Variants in DOCK2 observed in about 807,000 individuals in gnomAD.
DOCK2 encodes the protein dedicator of cytokinesis protein 2.
A neutral mutation model predicts 248.9 loss-of-function variants in DOCK2; 87 were observed. The ratio of observed to expected loss-of-function variants is 0.35; its 90% CI spans 0.29 to 0.42. DOCK2 has a LOEUF of 0.42. DOCK2 is among the 10% of genes least tolerant of loss of function. The probability of loss-of-function intolerance (pLI) is 1.00; values close to 1 mark genes in which losing one functional copy is unlikely to be tolerated. For synonymous variants in DOCK2, 805 were observed against 821.6 expected, an observed-to-expected ratio of 0.98 and a Z score of 0.35; for missense variants, 1,747 against 2,300.2, an observed-to-expected ratio of 0.76 and a Z score of 4.92.
intron 2 of DOCK2, among the ~76,000 whole-genome samples, chr5:169,667,224 C>G (rs1758787283): frequency 6.6e-6 from 1 of 152,186 alleles, no homozygotes; most frequent in South Asian, 2.1e-4. Flanking sequence ...CAAGTCACTG[C>G]TACCAGATGA....
At chr5:170,063,105 G>A (rs1233379592) in intron 44 of DOCK2, among the ~76,000 whole-genome samples, 2 of 152,060 alleles carry the variant, frequency 1.3e-5, no homozygotes, top group South Asian at 4.1e-4. Context: ...AGAGGGGACT[G>A]GCATATGCAT....
intron 45 of DOCK2, among the ~76,000 whole-genome samples, chr5:170,068,360 G>C (rs547356421): frequency 6.6e-6 from 1 of 152,278 alleles, no homozygotes; most frequent in East Asian, 1.9e-4. Context: ...TTCTTACTTG[G>C]TTTTCACCTA....
intron 38 of DOCK2, among the ~76,000 whole-genome samples, chr5:170,043,403 C>T (rs1363506800): frequency 6.6e-6 from 1 of 152,212 alleles, no homozygotes. Context: ...TTATCCTACT[C>T]CACCGCTTCC....
chr5:169,989,008 TCTTC>T (rs1269148663), intron 29 of DOCK2, among the ~76,000 whole-genome samples: 3 of 152,250 alleles, frequency 2.0e-5, no homozygotes, highest in Non-Finnish European at 4.4e-5. Context: ...AACTAACTTT[TCTTC>T]CTTCCTTCCA....
intron 23 of DOCK2, 66 bp downstream of exon 23, chr5:169,747,570 A>G: frequency 2.2e-6 from 3 of 1,381,194 alleles, no homozygotes; most frequent in East Asian, 2.4e-5. Context: ...GCATGCTAAG[A>G]TAATATCTTC....
chr5:169,761,756 C>A, intron 25 of DOCK2, 131 bp downstream of exon 25: 1 of 630,146 alleles, frequency 1.6e-6, no homozygotes, highest in East Asian at 2.9e-5. Flanking sequence ...CTCCCTTGGT[C>A]TGCATAAATG....
At chr5:169,708,360 C>T (rs543145450) in intron 15 of DOCK2, 93 bp downstream of exon 15, 3 of 1,198,530 alleles carry the variant, frequency 2.5e-6, no homozygotes, top group Admixed American at 2.0e-5. Context: ...TTATGTATTG[C>T]TTACAACAGC....
At chr5:169,713,596 G>A (rs1244224918) in intron 17 of DOCK2, among the ~76,000 whole-genome samples, 1 of 152,046 alleles carries the variant, frequency 6.6e-6, no homozygotes, top group African/African-American at 2.4e-5. Context: ...ATTCAAGATA[G>A]CATAGACCTG....
chr5:169,806,031 C>A (rs1209746762), intron 26 of DOCK2, among the ~76,000 whole-genome samples: 1 of 152,194 alleles, frequency 6.6e-6, no homozygotes, highest in Non-Finnish European at 1.5e-5. Flanking sequence ...ACCTCTCCTG[C>A]TCATGAAGAT....
chr5:169,879,750 C>G (rs1479011291), intron 27 of DOCK2, among the ~76,000 whole-genome samples: 1 of 152,112 alleles, frequency 6.6e-6, no homozygotes. Flanking sequence ...AAAAGGGACT[C>G]TTGGGGCCAT....
chr5:169,948,865 C>T (rs1022903550), intron 27 of DOCK2, among the ~76,000 whole-genome samples: 2 of 152,028 alleles, frequency 1.3e-5, no homozygotes, highest in African/African-American at 4.8e-5. Flanking sequence ...GTGACTGGCA[C>T]CTGGTCATTC....
intron 26 of DOCK2, among the ~76,000 whole-genome samples, chr5:169,807,394 T>C (rs1056466430): frequency 6.6e-5 from 10 of 152,200 alleles, no homozygotes; most frequent in African/African-American, 2.2e-4. Flanking sequence ...ATGCTACCAA[T>C]GTAGAGGCCA....
At chr5:169,692,270 A>T (rs1468538326) in intron 9 of DOCK2, among the ~76,000 whole-genome samples, 2 of 152,224 alleles carry the variant, frequency 1.3e-5, no homozygotes, top group African/African-American at 4.8e-5. Context: ...ACACACAGGA[A>T]ACAAGAGTGA....
chr5:170,005,607 A>G (rs932468554), intron 30 of DOCK2, among the ~76,000 whole-genome samples: 1 of 152,154 alleles, frequency 6.6e-6, no homozygotes, highest in Non-Finnish European at 1.5e-5. Flanking sequence ...TCTTACGGGT[A>G]GAGGGTTTCT....
intron 1 of DOCK2, among the ~76,000 whole-genome samples, chr5:169,641,194 C>T (rs78862393): frequency 0.029 from 4,466 of 152,296 alleles, 88 homozygotes; most frequent in African/African-American, 0.045. Flanking sequence ...AATGTGATTA[C>T]CTCTGTAAAG....
At chr5:170,029,520 G>A (rs1756049449) in intron 34 of DOCK2, among the ~76,000 whole-genome samples, 1 of 152,192 alleles carries the variant, frequency 6.6e-6, no homozygotes, top group Admixed American at 6.5e-5. Flanking sequence ...ATAAGCTCCT[G>A]TGGTTATTGT....
intron 10 of DOCK2, among the ~76,000 whole-genome samples, chr5:169,697,675 T>A (rs912698982): frequency 1.3e-5 from 2 of 152,160 alleles, no homozygotes; most frequent in African/African-American, 4.8e-5. Context: ...AGTGGTTGAT[T>A]ATTACCCAAG....
intron 26 of DOCK2, among the ~76,000 whole-genome samples, 180 bp downstream of exon 26, chr5:169,803,386 T>C (rs1767120397): frequency 6.6e-6 from 1 of 152,234 alleles, no homozygotes. Context: ...GCTAGGGGAC[T>C]GGAGTTAATC....
At chr5:169,921,606 T>C (rs1775176985) in intron 27 of DOCK2, among the ~76,000 whole-genome samples, 1 of 152,212 alleles carries the variant, frequency 6.6e-6, no homozygotes, top group South Asian at 2.1e-4. Flanking sequence ...GATGTCTGTT[T>C]AACTTTGTTT....
Sources: gnomAD v4.1 joint callset for allele counts (sites outside exome capture counted in the v4.1 genomes callset) on GRCh38, gnomAD v4.1.1 for gene constraint, MANE v1.5 for transcripts, NCBI Gene and HGNC (gene_info 2026-07-23, HGNC 2026-07-21) for gene names.